The following VWC2 variants were observed in gnomAD, a reference collection of about 807,000 sequenced individuals.
The protein encoded by VWC2 is von Willebrand factor C domain containing 2, also known as brorin.
VWC2 carries 14 observed loss-of-function variants against 29.8 expected under a neutral mutation model. That is an observed-to-expected ratio of 0.47 (90% CI 0.31 to 0.74). The LOEUF (loss-of-function observed/expected upper bound fraction) is 0.74. VWC2 is among the 30% of genes least tolerant of loss of function. VWC2 has a pLI of 0.05. For synonymous variants in VWC2, 213 were observed against 199.0 expected, an observed-to-expected ratio of 1.07 and a Z score of -0.59; for missense variants, 457 against 459.8, an observed-to-expected ratio of 0.99 and a Z score of 0.05.
rs542656918 is a variant in VWC2 at position 49,834,142 on chromosome 7, T to C, written c.826+31302T>C. ...GGTAGACTTGGGAGTAAAGGAGCCC[T>C]TCTATTTTCCACCACAATACTCTCT... is the stretch of plus-strand genomic sequence containing the variant. On this transcript the variant is annotated intron_variant, in intron 3 of 3. Coordinates refer to ENST00000340652, the MANE Select transcript of VWC2 (RefSeq NM_198570.5). Among the ~76,000 whole-genome samples, 3 of 152,262 alleles carry C rather than the reference T, an allele frequency of 2.0e-5. No homozygotes were observed. The South Asian group carries it at 6.2e-4, about 32-fold the overall frequency.
intron 3 of VWC2, among the ~76,000 whole-genome samples, chr7:49,835,296 T>C (rs1181848342): frequency 1.3e-5 from 2 of 152,238 alleles, no homozygotes; most frequent in African/African-American, 2.4e-5. Flanking sequence ...AGGTGACTGA[T>C]GTAATTAGTC....
intron 3 of VWC2, among the ~76,000 whole-genome samples, chr7:49,876,463 T>C (rs576360846): frequency 6.6e-6 from 1 of 152,162 alleles, no homozygotes; most frequent in Non-Finnish European, 1.5e-5. Flanking sequence ...ATTAACTGTA[T>C]GTAAAAGCTC....
At chr7:49,807,213 T>C (rs1015372906) in intron 3 of VWC2, among the ~76,000 whole-genome samples, 5 of 152,278 alleles carry the variant, frequency 3.3e-5, no homozygotes, top group Admixed American at 6.5e-5. Context: ...AAGATGTGAG[T>C]CTGCTTCAAA....
chr7:49,786,072 T>A (rs1021170849), intron 2 of VWC2, among the ~76,000 whole-genome samples: 5 of 152,314 alleles, frequency 3.3e-5, no homozygotes, highest in African/African-American at 1.2e-4. Flanking sequence ...GGGATAAGAA[T>A]GATCACATCA....
chr7:49,860,848 T>C (rs936002827), intron 3 of VWC2, among the ~76,000 whole-genome samples: 1 of 152,152 alleles, frequency 6.6e-6, no homozygotes, highest in Non-Finnish European at 1.5e-5. Context: ...GAAAAGGCCA[T>C]GTGAGGCCAC....
At chr7:49,785,324 A>T (rs1467790448) in intron 2 of VWC2, among the ~76,000 whole-genome samples, 3 of 152,218 alleles carry the variant, frequency 2.0e-5, no homozygotes, top group Admixed American at 2.0e-4. Flanking sequence ...TCTACCACAC[A>T]TCTGCTTAGA....
intron 2 of VWC2, among the ~76,000 whole-genome samples, chr7:49,777,588 C>A (rs1304110722): frequency 6.6e-6 from 1 of 152,200 alleles, no homozygotes; most frequent in African/African-American, 2.4e-5. Context: ...TCCAGGCATA[C>A]ATTGCTTAAG....
intron 3 of VWC2, among the ~76,000 whole-genome samples, chr7:49,909,357 GC>G (rs1793280790): frequency 1.6e-5 from 1 of 61,484 alleles, no homozygotes. Context: ...GACAGCTCGA[GC>G]CAAAATATGA....
intron 3 of VWC2, among the ~76,000 whole-genome samples, chr7:49,811,485 T>C (rs1231309817): frequency 6.6e-6 from 1 of 152,198 alleles, no homozygotes; most frequent in African/African-American, 2.4e-5. Context: ...ACATGTTTGT[T>C]TCCTCTTCTG....
chr7:49,848,484 G>A (rs1313465071), intron 3 of VWC2, among the ~76,000 whole-genome samples: 1 of 152,210 alleles, frequency 6.6e-6, no homozygotes, highest in Non-Finnish European at 1.5e-5. Context: ...GGTCGGCTGT[G>A]GGCCATAGGA....
intron 2 of VWC2, among the ~76,000 whole-genome samples, chr7:49,787,968 G>A (rs1300477532): frequency 6.6e-6 from 1 of 152,186 alleles, no homozygotes; most frequent in Admixed American, 6.5e-5. Context: ...GGTGCAAAGA[G>A]TCCCTTTCTG....
At chr7:49,798,869 A>G (rs1788663574) in intron 2 of VWC2, among the ~76,000 whole-genome samples, 1 of 152,172 alleles carries the variant, frequency 6.6e-6, no homozygotes, top group Admixed American at 6.5e-5. Flanking sequence ...AGCTCAAGTG[A>G]TGTCTTAATG....
chr7:49,885,808 C>T (rs1271448131), intron 3 of VWC2, among the ~76,000 whole-genome samples: 5 of 152,182 alleles, frequency 3.3e-5, no homozygotes, highest in Non-Finnish European at 4.4e-5. Flanking sequence ...GCACCGGGGA[C>T]GCAGCCCTGG....
At chr7:49,789,159 CTG>C (rs1307347729) in intron 2 of VWC2, among the ~76,000 whole-genome samples, 1 of 123,124 alleles carries the variant, frequency 8.1e-6, no homozygotes, top group Non-Finnish European at 1.7e-5. Context: ...GTGAGTGTGG[CTG>C]TATGTGTGTG....
At chr7:49,892,105 C>A (rs1792163115) in intron 3 of VWC2, among the ~76,000 whole-genome samples, 1 of 127,546 alleles carries the variant, frequency 7.8e-6, no homozygotes, top group African/African-American at 3.0e-5. Flanking sequence ...AGTGCAGTGG[C>A]GCAATCTCGG....
At chr7:49,866,012 A>AT (rs943193387) in intron 3 of VWC2, among the ~76,000 whole-genome samples, 14 of 151,994 alleles carry the variant, frequency 9.2e-5, no homozygotes, top group African/African-American at 2.9e-4. Flanking sequence ...TGCTTTTATC[A>AT]TTTTTTCTTT....
At chr7:49,838,938 A>T (rs1249367548) in intron 3 of VWC2, among the ~76,000 whole-genome samples, 1 of 152,190 alleles carries the variant, frequency 6.6e-6, no homozygotes, top group Non-Finnish European at 1.5e-5. Flanking sequence ...TTGAAGCTTT[A>T]ATCCCCAGTG....
intron 3 of VWC2, among the ~76,000 whole-genome samples, chr7:49,885,249 G>A (rs1378330939): frequency 6.6e-6 from 1 of 152,088 alleles, no homozygotes; most frequent in Non-Finnish European, 1.5e-5. Context: ...TGAAAAGCGA[G>A]TAATATGTCT....
chr7:49,893,477 A>C (rs1792231945), intron 3 of VWC2, among the ~76,000 whole-genome samples: 1 of 152,204 alleles, frequency 6.6e-6, no homozygotes, highest in Non-Finnish European at 1.5e-5. Flanking sequence ...TCCCTCTTTA[A>C]AAACTTTTGC....
Sources: gnomAD v4.1 joint callset for allele counts (sites outside exome capture counted in the v4.1 genomes callset) on GRCh38, gnomAD v4.1.1 for gene constraint, MANE v1.5 for transcripts, NCBI Gene and HGNC (gene_info 2026-07-23, HGNC 2026-07-21) for gene names.